Variants in SETBP1 observed in about 807,000 individuals in gnomAD.
SETBP1 encodes SET binding protein 1.
In SETBP1, 9 loss-of-function variants were observed where a neutral mutation model predicts 101.0. The observed-to-expected ratio is 0.09, with a 90% CI of 0.05 to 0.16. The LOEUF (loss-of-function observed/expected upper bound fraction) is 0.16, where lower values mean the gene tolerates loss of function less well. Among genes scored for constraint, SETBP1 ranks in the 10% least tolerant of loss-of-function variants. The probability of loss-of-function intolerance (pLI) is 1.00; values close to 1 mark genes in which losing one functional copy is unlikely to be tolerated. For synonymous variants in SETBP1, 818 were observed against 788.5 expected (o/e 1.04, Z -0.63); for missense variants, 1,858 against 2,033.8 (o/e 0.91, Z 1.66).
At chr18:44,829,994 T>C (rs1036793422) in intron 2 of SETBP1, among the ~76,000 whole-genome samples, 3 of 152,328 alleles carry the variant, frequency 2.0e-5, no homozygotes, top group African/African-American at 7.2e-5. Context: ...GAACACACTA[T>C]GATATAATGT....
At chr18:44,960,297 C>T (rs777951981) in intron 4 of SETBP1, among the ~76,000 whole-genome samples, 2 of 152,080 alleles carry the variant, frequency 1.3e-5, no homozygotes, top group Non-Finnish European at 2.9e-5. Flanking sequence ...GTCTTTTTCC[C>T]GTACTCCGAG....
chr18:44,823,840 A>C (rs1322199889), intron 2 of SETBP1, among the ~76,000 whole-genome samples: 1 of 152,194 alleles, frequency 6.6e-6, no homozygotes, highest in African/African-American at 2.4e-5. Flanking sequence ...TGTTCTGCTT[A>C]GTTGTGGTAA....
chr18:44,695,120 G>A (rs561304605), intron 1 of SETBP1, among the ~76,000 whole-genome samples: 11 of 152,168 alleles, frequency 7.2e-5, no homozygotes, highest in Non-Finnish European at 1.6e-4. Context: ...ATTGGGGTAT[G>A]CTCTCCCACA....
At chr18:44,761,685 G>A (rs1775418864) in intron 2 of SETBP1, among the ~76,000 whole-genome samples, 2 of 152,202 alleles carry the variant, frequency 1.3e-5, no homozygotes, top group African/African-American at 4.8e-5. Flanking sequence ...TATTTCTTAA[G>A]ACAACCTACT....
At position 45,020,258 on chromosome 18, in the gene SETBP1, T is replaced by TAAAAAAAAAAAAA. The variant is rs57134217; in HGVS notation, c.4001-18202_4001-18190dup. Among the ~76,000 whole-genome samples, 15 of 53,084 alleles carry TAAAAAAAAAAAAA rather than the reference T, an allele frequency of 2.8e-4. 1 individual carries two copies. The highest frequency in any genetic ancestry group is 7.5e-4 in the South Asian group (1 of 1,336). 34.8% of individuals were successfully genotyped at this position (53,084 alleles called of 152,430 possible). A position where few individuals can be genotyped will look rare whatever the true frequency, so the allele number is the denominator to read the frequency against. ...CTGGTGACAGAGCAAGACTCTGTCTTAAAAAAAAAAAAAAAAAAAAAAAAA... is the reference window on the plus strand; with the variant it reads ...CTGGTGACAGAGCAAGACTCTGTCTTAAAAAAAAAAAAAAAAAAAAAAAAAAAAAAAAAAAAAA... On this transcript the variant is annotated intron_variant, in intron 4 of 5. Transcript: ENST00000649279.
intron 1 of SETBP1, among the ~76,000 whole-genome samples, chr18:44,684,401 T>C (rs1303596170): frequency 1.3e-5 from 2 of 152,126 alleles, no homozygotes; most frequent in African/African-American, 4.8e-5. Context: ...TAGCTCTGAG[T>C]TTTCGTTTTC....
intron 2 of SETBP1, among the ~76,000 whole-genome samples, chr18:44,815,901 T>A (rs1241076632): frequency 1.3e-5 from 2 of 152,198 alleles, no homozygotes; most frequent in Non-Finnish European, 2.9e-5. Context: ...AGAGATGATC[T>A]TGGAGGACCC....
Position 44,952,628 on chromosome 18 carries a change from C to T in SETBP1, c.3288C>T (p.His1096=), listed in dbSNP as rs1599370116. The T allele has an allele frequency of 1.9e-6, 3 of 1,613,950 alleles. No homozygotes were observed. The highest frequency in any genetic ancestry group is 1.3e-5 in the African/African-American group (1 of 75,034). The stretch of plus-strand genomic sequence containing the variant: ...CAACAGTGCCACCACCTCAGTTCCA[C>T]ACAAACTCCCACGTAAAGATGTCCG... The part of the protein sequence containing the change: ...MRPTVPPPQF[H]TNSHVKMSGA... The change falls in exon 4 of 6, where the codon CAC becomes CAT. Residue 1096 remains histidine, a synonymous_variant. Transcript: ENST00000649279.
chr18:44,928,304 C>T (rs898448761), intron 3 of SETBP1, among the ~76,000 whole-genome samples: 10 of 152,122 alleles, frequency 6.6e-5, no homozygotes, highest in African/African-American at 9.7e-5. Context: ...GTATATGTGC[C>T]ACATTTTCTT....
intron 4 of SETBP1, among the ~76,000 whole-genome samples, chr18:44,989,868 C>CAAAAAAAAAAA (rs1169222498): frequency 6.5e-5 from 1 of 15,424 alleles, no homozygotes; most frequent in Admixed American, 1.2e-3. Context: ...GACTCCGTCT[C>CAAAAAAAAAAA]AAAAAAAAAA....
intron 2 of SETBP1, among the ~76,000 whole-genome samples, chr18:44,850,344 C>A (rs182247030): frequency 1.3e-5 from 2 of 151,752 alleles, no homozygotes; most frequent in Non-Finnish European, 2.9e-5. Flanking sequence ...AGCTTTAATT[C>A]GGCCCAGATG....
intron 2 of SETBP1, among the ~76,000 whole-genome samples, chr18:44,730,998 G>T (rs1373446538): frequency 1.3e-5 from 2 of 152,194 alleles, no homozygotes; most frequent in Non-Finnish European, 2.9e-5. Context: ...CTTGTGACTG[G>T]CTCTGGCTGT....
At chr18:45,054,512 GC>G (rs1433604761) in intron 5 of SETBP1, among the ~76,000 whole-genome samples, 1 of 151,718 alleles carries the variant, frequency 6.6e-6, no homozygotes, top group Non-Finnish European at 1.5e-5. Context: ...CTGACAAATA[GC>G]ATCTCCAGAA....
rs930103020 is a variant in SETBP1 at position 44,833,382 on chromosome 18, G to A, written c.487-35848G>A. ...CCAGTGTTCCGAGAAGTAGGAGTGT[G>A]ATGATTTGCTGTGACCAGAGGGTTG... On this transcript the variant is annotated intron_variant, in intron 2 of 5. Transcript: ENST00000649279. 3.9e-5 allele frequency among the ~76,000 whole-genome samples: 6 copies of A among 152,228 alleles called. 1 individual carries two copies. The highest frequency in any genetic ancestry group is 9.6e-5 in the African/African-American group (4 of 41,456).
intron 2 of SETBP1, among the ~76,000 whole-genome samples, chr18:44,866,305 C>T (rs1047719358): frequency 1.3e-5 from 2 of 152,210 alleles, no homozygotes; most frequent in African/African-American, 4.8e-5. Flanking sequence ...AGTGCTGTTT[C>T]CTTTTGTTGG....
chr18:44,748,131 A>G (rs2070300547), intron 2 of SETBP1, among the ~76,000 whole-genome samples: 1 of 152,064 alleles, frequency 6.6e-6, no homozygotes, highest in Admixed American at 6.6e-5. Context: ...CTCCCCTCCC[A>G]CTAGAGGAAG....
At chr18:44,689,990 C>T (rs2068902898) in intron 1 of SETBP1, among the ~76,000 whole-genome samples, 1 of 152,184 alleles carries the variant, frequency 6.6e-6, no homozygotes, top group African/African-American at 2.4e-5. Flanking sequence ...ACATAGCACA[C>T]ATGAAAGAAC....
At chr18:44,704,893 G>T (rs768142352) in intron 2 of SETBP1, among the ~76,000 whole-genome samples, 1 of 152,230 alleles carries the variant, frequency 6.6e-6, no homozygotes, top group Non-Finnish European at 1.5e-5. Context: ...ACTCTTTGAA[G>T]CAGTGGACAT....
intron 4 of SETBP1, among the ~76,000 whole-genome samples, chr18:45,010,856 T>A (rs1299807399): frequency 1.3e-5 from 2 of 152,200 alleles, no homozygotes; most frequent in Admixed American, 1.3e-4. Context: ...ATTAAGTAAT[T>A]TCTCGAGGTC....
Sources: gnomAD v4.1 joint callset for allele counts (sites outside exome capture counted in the v4.1 genomes callset) on GRCh38, gnomAD v4.1.1 for gene constraint, MANE v1.5 for transcripts, NCBI Gene and HGNC (gene_info 2026-07-23, HGNC 2026-07-21) for gene names.